Variants in CRYBG1 observed in about 807,000 individuals in gnomAD.
The protein encoded by CRYBG1 is crystallin beta-gamma domain containing 1.
CRYBG1 carries 139 observed loss-of-function variants against 189.2 expected under a neutral mutation model. The ratio of observed to expected loss-of-function variants is 0.73; its 90% CI spans 0.64 to 0.85. CRYBG1 has a LOEUF of 0.85. CRYBG1 is among the 40% of genes least tolerant of loss of function. The pLI is 0.00. For synonymous variants in CRYBG1, 1,023 were observed against 1,017.1 expected (o/e 1.01, Z -0.11); for missense variants, 2,611 against 2,675.8 (o/e 0.98, Z 0.53).
chr6:106,378,449 C>T (rs1164134182), intron 1 of CRYBG1, among the ~76,000 whole-genome samples: 4 of 152,332 alleles, frequency 2.6e-5, no homozygotes, highest in East Asian at 1.9e-4. Context: ...CCACTCACCT[C>T]GGTTTTGCAC....
intron 1 of CRYBG1, among the ~76,000 whole-genome samples, chr6:106,429,783 T>A (rs1371248762): frequency 2.0e-5 from 3 of 152,200 alleles, no homozygotes; most frequent in Non-Finnish European, 4.4e-5. Flanking sequence ...CTCACAGGTT[T>A]GTTGTGAGTA....
chr6:106,436,390 C>G (rs1771458576), intron 1 of CRYBG1, among the ~76,000 whole-genome samples: 4 of 152,094 alleles, frequency 2.6e-5, no homozygotes, highest in South Asian at 4.1e-4. Context: ...GCTCCGCCTC[C>G]CGGGTTCACT....
chr6:106,377,001 G>A (rs1582729051), intron 1 of CRYBG1, among the ~76,000 whole-genome samples: 1 of 152,252 alleles, frequency 6.6e-6, no homozygotes, highest in South Asian at 2.1e-4. Flanking sequence ...AGAAAAAGGA[G>A]CAATCAATTC....
rs960374566 is a variant in CRYBG1, at chr6:106,543,318, C to T, written c.4882-122C>T. The T allele has an allele frequency of 4.0e-6, 4 of 994,462 alleles. No individual in the cohort carries two copies. In the East Asian group the frequency reaches 1.0e-4, roughly 26 times the overall value. 61.6% of individuals were successfully genotyped at this position (994,462 alleles called of 1,614,324 possible). On this transcript the variant is annotated intron_variant, in intron 10 of 21. Coordinates refer to ENST00000633556, the MANE Select transcript of CRYBG1 (RefSeq NM_001371242.2). ...GTGCTGGGATAACAGGCGTGAGCCA[C>T]CGCGCCCAGTCAGAAAATTTTAATT...
Position 106,360,860 on chromosome 6 carries a change from G to A in CRYBG1, c.-49G>A, listed in dbSNP as rs1171671042. 3 of 1,492,168 alleles carry A rather than the reference G, an allele frequency of 2.0e-6. No individual in the cohort carries two copies. The highest frequency in any genetic ancestry group is 2.7e-6 in the Non-Finnish European group (3 of 1,125,210). The allele number at this position is 1,492,168 out of a possible 1,614,324, so 92.4% of individuals were successfully genotyped here. On this transcript the variant is annotated 5_prime_UTR_variant, in exon 1 of 22. Coordinates refer to ENST00000633556, the MANE Select transcript of CRYBG1 (RefSeq NM_001371242.2). Reference sequence around the variant, plus strand: ...GTGTGTTCTTCCATAGGGCCCGGGCGGCAGAGAGGACCGCGTCCCGGCAGT... The same window carrying A: ...GTGTGTTCTTCCATAGGGCCCGGGCAGCAGAGAGGACCGCGTCCCGGCAGT...
intron 2 of CRYBG1, among the ~76,000 whole-genome samples, chr6:106,486,478 T>C (rs966496206): frequency 6.6e-6 from 1 of 152,100 alleles, no homozygotes; most frequent in Non-Finnish European, 1.5e-5. Flanking sequence ...GTCTATGACA[T>C]AGTTTGTTGA....
intron 2 of CRYBG1, among the ~76,000 whole-genome samples, chr6:106,505,100 C>CTT (rs374942804): frequency 7.1e-5 from 10 of 141,060 alleles, no homozygotes; most frequent in Non-Finnish European, 7.8e-5. Flanking sequence ...ACCTGGCTAA[C>CTT]TTTTTTTTTT....
At chr6:106,525,685 A>G (rs1198157433) in intron 6 of CRYBG1, among the ~76,000 whole-genome samples, 3 of 152,190 alleles carry the variant, frequency 2.0e-5, no homozygotes, top group Non-Finnish European at 4.4e-5. Flanking sequence ...AGGGCCCATA[A>G]CATACTCTTG....
intron 2 of CRYBG1, among the ~76,000 whole-genome samples, chr6:106,452,869 G>C (rs1351467957): frequency 6.6e-6 from 1 of 152,296 alleles, no homozygotes; most frequent in Non-Finnish European, 1.5e-5. Context: ...GGGTGAGTGA[G>C]AGCTAGTTTA....
At chr6:106,537,564 C>CT (rs1774032269) in intron 8 of CRYBG1, among the ~76,000 whole-genome samples, 1 of 152,180 alleles carries the variant, frequency 6.6e-6, no homozygotes. Flanking sequence ...AGATAAGCCT[C>CT]TTTTTTTCCT....
At chr6:106,530,637 G>A (rs996452454) in intron 8 of CRYBG1, among the ~76,000 whole-genome samples, 15 of 151,516 alleles carry the variant, frequency 9.9e-5, no homozygotes, top group Admixed American at 3.9e-4. Flanking sequence ...TTCAGAGGAG[G>A]TAATTCAAAG....
At chr6:106,562,043 C>T (rs1774734193) in intron 20 of CRYBG1, among the ~76,000 whole-genome samples, 1 of 152,118 alleles carries the variant, frequency 6.6e-6, no homozygotes, top group Non-Finnish European at 1.5e-5. Context: ...GCTCATGCTT[C>T]TATGGTAGAT....
In CRYBG1 at chr6:106,551,908, G is replaced by T. The variant is rs1774412898; in HGVS notation, c.5369G>T (p.Gly1790Val). ...FTGEQYILDK[G>V]FYTSFEDWGG... ...GGAGAACAGTATATACTGGATAAAG[G>T]ATTTTATACCAGTTTTGAGGACTGG... The change falls in exon 14 of 22, where the codon GGA becomes GTA. Residue 1790 changes from glycine to valine, a missense_variant. Physicochemically the swap from Gly to Val is moderately radical, Grantham distance 109. This residue lies in a region of CRYBG1 where 1,622 missense variants were observed against 1,735.0 expected (regional missense o/e 0.93). Transcript: ENST00000633556. The T allele has an allele frequency of 6.2e-7, 1 of 1,610,900 alleles. No homozygotes were observed. Among genetic ancestry groups the T allele is most frequent in the East Asian group, 2.2e-5 (1 of 44,766 alleles).
chr6:106,521,741 C>CA (rs1346852025), intron 4 of CRYBG1, among the ~76,000 whole-genome samples: 3 of 60,352 alleles, frequency 5.0e-5, no homozygotes, highest in Non-Finnish European at 9.0e-5. Context: ...TTTTTTGAGA[C>CA]AGAGTCTCGC....
At chr6:106,435,845 G>A (rs1490193514) in intron 1 of CRYBG1, among the ~76,000 whole-genome samples, 1 of 152,006 alleles carries the variant, frequency 6.6e-6, no homozygotes, top group Non-Finnish European at 1.5e-5. Context: ...GGGATTACAG[G>A]TGTGAACCAC....
intron 1 of CRYBG1, among the ~76,000 whole-genome samples, chr6:106,443,760 T>C (rs1771607791): frequency 6.6e-6 from 1 of 152,200 alleles, no homozygotes; most frequent in East Asian, 1.9e-4. Flanking sequence ...TATATATTTA[T>C]AGAATACATG....
intron 8 of CRYBG1, among the ~76,000 whole-genome samples, chr6:106,534,011 A>C (rs1773933992): frequency 6.6e-6 from 1 of 152,222 alleles, no homozygotes; most frequent in Non-Finnish European, 1.5e-5. Context: ...TCTAAGCAAA[A>C]GAAAATGCCT....
chr6:106,541,683 T>C, intron 10 of CRYBG1, 62 bp downstream of exon 10: 1 of 1,120,686 alleles, frequency 8.9e-7, no homozygotes, highest in Non-Finnish European at 1.3e-6. Context: ...TATACACATA[T>C]ATATGTACTT....
intron 1 of CRYBG1, among the ~76,000 whole-genome samples, chr6:106,405,145 C>T (rs12195477): frequency 0.079 from 12,059 of 152,282 alleles, 627 homozygotes; most frequent in East Asian, 0.15. Flanking sequence ...TTGAAATTCT[C>T]GCTGCCAGCA....
Sources: allele counts gnomAD v4.1 joint callset (sites outside exome capture counted in the v4.1 genomes callset), GRCh38; gene constraint gnomAD v4.1.1; regional missense constraint gnomAD v4.1.1; transcripts MANE v1.5; gene names NCBI Gene and HGNC (gene_info 2026-07-23, HGNC 2026-07-21).